F11: variants seen among roughly 807,000 people sequenced by gnomAD.
The protein encoded by F11 is coagulation factor XI.
Under a neutral mutation model 76.5 loss-of-function variants are expected in F11, and 78 were observed. The observed-to-expected ratio is 1.02, with a 90% confidence interval of 0.85 to 1.23. The LOEUF (loss-of-function observed/expected upper bound fraction) is 1.23. Ranked by LOEUF, F11 falls within the 50% of genes most tolerant of loss-of-function variation. The pLI is 0.00. For synonymous variants in F11, 278 were observed against 276.3 expected (o/e 1.01, Z -0.06); for missense variants, 742 against 771.4 (o/e 0.96, Z 0.45).
Position 186,288,641 on chromosome 4 carries a change from C to G in F11, c.*27C>G, listed in dbSNP as rs777515350. On this transcript the variant is annotated 3_prime_UTR_variant, in exon 15 of 15. Transcript: ENST00000403665. The stretch of plus-strand genomic sequence containing the variant: ...TGGGTTCCCAGGGGCCATTGGAGTC[C>G]CTGAAGGACCCAGGATTTGCTGGGA... The G allele has an allele frequency of 1.2e-6, 2 of 1,605,734 alleles. No individual in the cohort carries two copies. The highest frequency in any genetic ancestry group is 1.7e-6 in the Non-Finnish European group (2 of 1,175,604).
rs567451638 is a variant in F11 at position 186,271,768 on chromosome 4, G to C, written c.215G>C (p.Arg72Pro). The change falls in exon 3 of 15, where the codon CGA becomes CCA. Residue 72 changes from arginine to proline, a missense_variant. Transcript: ENST00000403665. ...TAESPSEDPT[R>P]WFTCVLKDSV... ...GAATCACCATCTGAGGATCCCACCC[G>C]ATGGTAAATGCTTATGTTTCTACAT... 1.9e-6 allele frequency: 3 copies of C among 1,614,006 alleles called. No individual in the cohort carries two copies. The highest frequency in any genetic ancestry group is 2.5e-6 in the Non-Finnish European group (3 of 1,180,014).
chr4:186,273,210 G>A, intron 4 of F11, 33 bp downstream of exon 4: 1 of 1,494,030 alleles, frequency 6.7e-7, no homozygotes, highest in Non-Finnish European at 9.3e-7. Context: ...ACAAATACCA[G>A]CTGTGATGTA....
At chr4:186,266,782 A>AGAACTTTCATCAGCTATTAAAC (rs1739530029) in intron 1 of F11, among the ~76,000 whole-genome samples, 1 of 152,318 alleles carries the variant, frequency 6.6e-6, no homozygotes, top group South Asian at 2.1e-4. Flanking sequence ...AAAAATTGGG[A>AGAACTTTCATCAGCTATTAAAC]AAGGAAACAA....
At chr4:186,267,103 G>C in intron 1 of F11, 33 bp from the exon 2 acceptor site, 1 of 1,398,264 alleles carries the variant, frequency 7.2e-7, no homozygotes, top group Non-Finnish European at 1.0e-6. Flanking sequence ...TACATTTTAT[G>C]TTCTAAAAGC....
Position 186,274,206 on chromosome 4 carries a change from G to T in F11, c.416G>T (p.Arg139Ile), listed in dbSNP as rs779556113. ...VAKSAQECQE[R>I]CTDDVHCHFF... ...AAGAGTGCTCAAGAATGCCAAGAAA[G>T]ATGCACGGATGACGTCCACTGCCAC... The change falls in exon 5 of 15, where the codon AGA (arginine) becomes ATA (isoleucine). Residue 139 changes from arginine (R) to isoleucine (I), a missense_variant. Arg to Ile is a moderately conservative substitution (Grantham distance 97). Coordinates refer to ENST00000403665, the MANE Select transcript of F11 (RefSeq NM_000128.4). 1 of 1,614,220 alleles carries T rather than the reference G, an allele frequency of 6.2e-7. No homozygotes were observed. Among genetic ancestry groups the T allele is most frequent in the South Asian group, 1.1e-5 (1 of 91,084 alleles).
At chr4:186,274,381 A>G in intron 5 of F11, 106 bp downstream of exon 5, 3 of 1,410,282 alleles carry the variant, frequency 2.1e-6, no homozygotes, top group Non-Finnish European at 2.0e-6. Context: ...TGAACCCCTA[A>G]AAGACATTTC....
At chr4:186,279,241 G>A (rs1740600714) in intron 7 of F11, among the ~76,000 whole-genome samples, 1 of 152,134 alleles carries the variant, frequency 6.6e-6, no homozygotes, top group African/African-American at 2.4e-5. Context: ...AGTTAGCCAG[G>A]TGTGGTGGCA....
intron 11 of F11, among the ~76,000 whole-genome samples, chr4:186,285,058 A>G (rs1044647577): frequency 5.9e-5 from 9 of 152,192 alleles, no homozygotes; most frequent in Admixed American, 2.6e-4. Context: ...AGCTGGGGGT[A>G]TATATATTCC....
chr4:186,283,669 G>C (rs1366709307), intron 10 of F11, among the ~76,000 whole-genome samples: 1 of 152,184 alleles, frequency 6.6e-6, no homozygotes, highest in Non-Finnish European at 1.5e-5. Flanking sequence ...CAGCAGGGCT[G>C]GTTCAAACAC....
At chr4:186,287,404 T>C (rs566614355) in intron 13 of F11, among the ~76,000 whole-genome samples, 88 of 151,082 alleles carry the variant, frequency 5.8e-4, no homozygotes, top group Non-Finnish European at 1.0e-3. Context: ...GCCAACATGG[T>C]GAAACCCTGT....
intron 13 of F11, chr4:186,286,756 G>A (rs1272081412): frequency 1.3e-5 from 13 of 965,544 alleles, no homozygotes; most frequent in Non-Finnish European, 1.6e-5. Context: ...TTAATGTGAA[G>A]CCTAGCACTT....
At chr4:186,284,493 G>A (rs1243674017) in intron 11 of F11, among the ~76,000 whole-genome samples, 1 of 152,106 alleles carries the variant, frequency 6.6e-6, no homozygotes. Context: ...CCATTTAACC[G>A]CATTCACATC....
rs367856671 is a variant in F11 at position 186,273,133 on chromosome 4, C to A, written c.281C>A (p.Ala94Glu). 3 of 1,613,952 alleles carry A rather than the reference C, an allele frequency of 1.9e-6. No homozygotes were observed. Among genetic ancestry groups the A allele is most frequent in the South Asian group, 2.2e-5 (2 of 91,078 alleles). ...CTGCCAAGAGTGAATAGGACAGCAG[C>A]GATTTCTGGGTATTCTTTCAAGCAA... ...ETLPRVNRTA[A>E]ISGYSFKQCS... is the part of the protein sequence containing the mutation. The change falls in exon 4 of 15, where the codon GCG (alanine) becomes GAG (glutamate). Residue 94 changes from alanine (A) to glutamate (E), a missense_variant. By Grantham distance (107) the Ala-to-Glu change is moderately radical. Coordinates refer to ENST00000403665, the MANE Select transcript of F11 (RefSeq NM_000128.4).
At chr4:186,278,255 C>A (rs1395781720) in intron 7 of F11, among the ~76,000 whole-genome samples, 2 of 152,204 alleles carry the variant, frequency 1.3e-5, no homozygotes, top group African/African-American at 4.8e-5. Flanking sequence ...AAGTTGTCCT[C>A]CAGACAACTC....
chr4:186,270,742 G>A (rs976578719), intron 2 of F11, among the ~76,000 whole-genome samples: 1 of 152,034 alleles, frequency 6.6e-6, no homozygotes, highest in East Asian at 1.9e-4. Flanking sequence ...CGCCCAGGCT[G>A]GATTGCAGTG....
Position 186,284,134 on chromosome 4 carries a change from C to A in F11, c.1178C>A (p.Ala393Glu). ...KIKPRIVGGT[A>E]SVRGEWPWQV... Reference sequence around the variant, plus strand: ...AAGCCCAGGATCGTTGGAGGAACTGCGTCTGTTCGTGGTGAGTGGCCGTGG... The same window carrying A: ...AAGCCCAGGATCGTTGGAGGAACTGAGTCTGTTCGTGGTGAGTGGCCGTGG... The change falls in exon 11 of 15, where the codon GCG (alanine) becomes GAG (glutamate). Residue 393 changes from alanine to glutamate, a missense_variant. Ala to Glu is a moderately radical substitution (Grantham distance 107, BLOSUM62 -1). Coordinates refer to ENST00000403665, the MANE Select transcript of F11 (RefSeq NM_000128.4). The A allele has an allele frequency of 6.2e-7, 1 of 1,614,198 alleles. No homozygotes were observed. Among genetic ancestry groups the A allele is most frequent in the Non-Finnish European group, 8.5e-7 (1 of 1,180,026 alleles).
Position 186,287,686 on chromosome 4 carries a change from A to T in F11, c.1579A>T (p.Lys527Ter), listed in dbSNP as rs777039574. The change falls in exon 14 of 15, where the codon AAA (lysine) becomes TAA (stop). Residue 527 changes from lysine to a stop codon, truncating the protein, a stop_gained and splice_region_variant. Transcript: ENST00000403665. LOFTEE classifies it high-confidence loss of function. ...CGAACCAAAAAAATTTTTTTCAGAC[A>T]AAATACAAAATACTCTCCAGAAAGC... ...TGWGYRKLRDKIQNTLQKAKI... is the reference protein window; with the variant it reads ...TGWGYRKLRD The T allele has an allele frequency of 6.2e-7, 1 of 1,610,554 alleles. No homozygotes were observed. The highest frequency in any genetic ancestry group is 1.1e-5 in the South Asian group (1 of 91,002).
chr4:186,285,922 C>T (rs1741180391), intron 12 of F11, 109 bp downstream of exon 12: 1 of 1,205,900 alleles, frequency 8.3e-7, no homozygotes, highest in Non-Finnish European at 1.2e-6. Context: ...GCGTTATCAT[C>T]ATGAAAGGGA....
chr4:186,271,515 T>C (rs962949080), intron 2 of F11, 94 bp from the exon 3 acceptor site: 5 of 1,362,070 alleles, frequency 3.7e-6, no homozygotes, highest in African/African-American at 1.4e-5. Context: ...TCCTGGTAAG[T>C]AGAGCTACTT....
Sources: allele counts gnomAD v4.1 joint callset (sites outside exome capture counted in the v4.1 genomes callset), GRCh38; gene constraint gnomAD v4.1.1; transcripts MANE v1.5; gene names NCBI Gene and HGNC (gene_info 2026-07-23, HGNC 2026-07-21).